Variants in SHC4 observed in about 807,000 individuals in gnomAD.
The protein encoded by SHC4 is SHC adaptor protein 4.
Under a neutral mutation model 69.4 loss-of-function variants are expected in SHC4, and 41 were observed. The observed-to-expected ratio is 0.59, with a 90% CI of 0.46 to 0.77. The LOEUF (loss-of-function observed/expected upper bound fraction) is 0.77, where lower values mean the gene tolerates loss of function less well. Ranked by LOEUF, SHC4 falls within the 30% of genes least tolerant of loss-of-function variation. SHC4 has a pLI of 0.00. For synonymous variants in SHC4, 318 were observed against 299.3 expected (o/e 1.06, Z -0.64); for missense variants, 777 against 783.8 (o/e 0.99, Z 0.10).
chr15:48,905,950 T>A (rs1421056272), intron 2 of SHC4, among the ~76,000 whole-genome samples: 2 of 152,228 alleles, frequency 1.3e-5, no homozygotes, highest in Non-Finnish European at 2.9e-5. Flanking sequence ...AGAAACCACT[T>A]CATAATGTAG....
At position 48,941,280 on chromosome 15, in the gene SHC4, G is replaced by A. The variant is rs1471469844; in HGVS notation, c.586-16331C>T. 2.0e-5 allele frequency among the ~76,000 whole-genome samples: 3 copies of A among 152,182 alleles called. No homozygotes were observed. The East Asian group carries it at 5.8e-4, about 29-fold the overall frequency. ...TTCAGGGCAGTGGAGAGGGTCAATA[G>A]GCTAAGGAACTGGAAAATGTTCATA... On this transcript the variant is annotated intron_variant, in intron 1 of 11. Transcript: ENST00000332408.
intron 4 of SHC4, chr15:48,878,176 A>C: frequency 6.5e-7 from 1 of 1,549,498 alleles, no homozygotes; most frequent in Non-Finnish European, 8.7e-7. Context: ...CGGTTTGCAC[A>C]ATGTCGGAAA....
At chr15:48,897,039 C>T (rs1392188975) in intron 2 of SHC4, among the ~76,000 whole-genome samples, 1 of 152,216 alleles carries the variant, frequency 6.6e-6, no homozygotes, top group African/African-American at 2.4e-5. Context: ...GCCATTCTTG[C>T]AGCCCAAGCA....
chr15:48,856,096 C>G lies in SHC4; in HGVS notation c.1099G>C (p.Glu367Gln). Residue 367 changes from glutamate to glutamine, a missense_variant, in exon 8 of 12, where the codon GAG becomes CAG. Glu to Gln is a conservative substitution (Grantham distance 29). Coordinates refer to ENST00000332408, the MANE Select transcript of SHC4 (RefSeq NM_203349.4). ...SEEVHIDSHAEEREDHEYYNE... is the reference protein window; with the variant it reads ...SEEVHIDSHAQEREDHEYYNE... ...TAATATTCATGATCTTCTCTCTCCT[C>G]GGCATGGCTATCAATATGCACCTCC... 6.2e-7 allele frequency: 1 copy of G among 1,613,410 alleles called. No individual in the cohort carries two copies. The highest frequency in any genetic ancestry group is 8.5e-7 in the Non-Finnish European group (1 of 1,179,616).
intron 1 of SHC4, among the ~76,000 whole-genome samples, chr15:48,960,264 G>T (rs927512682): frequency 6.6e-6 from 1 of 152,196 alleles, no homozygotes; most frequent in Non-Finnish European, 1.5e-5. Context: ...TTGTACAGGT[G>T]TGTGGGTATG....
chr15:48,872,716 C>T (rs1244567925), intron 4 of SHC4, among the ~76,000 whole-genome samples: 1 of 152,180 alleles, frequency 6.6e-6, no homozygotes, highest in African/African-American at 2.4e-5. Context: ...TCATTCACTA[C>T]TAAATGTATC....
intron 1 of SHC4, among the ~76,000 whole-genome samples, chr15:48,931,618 C>G (rs988389118): frequency 2.6e-5 from 4 of 152,040 alleles, no homozygotes; most frequent in Non-Finnish European, 4.4e-5. Context: ...GCACACTACC[C>G]CCAGCATTTA....
intron 1 of SHC4, among the ~76,000 whole-genome samples, chr15:48,954,995 G>A (rs1901420775): frequency 2.6e-5 from 4 of 152,158 alleles, no homozygotes; most frequent in Admixed American, 1.3e-4. Flanking sequence ...TTCATGAAAT[G>A]GGAACAGCCT....
chr15:48,850,519 A>G (rs1191071054), intron 9 of SHC4, among the ~76,000 whole-genome samples: 1 of 152,208 alleles, frequency 6.6e-6, no homozygotes, highest in African/African-American at 2.4e-5. Context: ...CAGTTCAGTC[A>G]TCTCCCCCTC....
chr15:48,915,865 T>C (rs1900610869), intron 2 of SHC4, among the ~76,000 whole-genome samples: 1 of 152,210 alleles, frequency 6.6e-6, no homozygotes, highest in Non-Finnish European at 1.5e-5. Context: ...GTAAATTTTT[T>C]CACTGGGGAA....
intron 2 of SHC4, among the ~76,000 whole-genome samples, chr15:48,903,567 C>G (rs1335715345): frequency 6.6e-6 from 1 of 152,150 alleles, no homozygotes; most frequent in African/African-American, 2.4e-5. Context: ...TAAGGAGCCT[C>G]CATGTAATCT....
At chr15:48,900,365 G>A (rs1025859943) in intron 2 of SHC4, among the ~76,000 whole-genome samples, 1 of 152,054 alleles carries the variant, frequency 6.6e-6, no homozygotes, top group Admixed American at 6.6e-5. Flanking sequence ...AAAGTAGCCG[G>A]AAGTGGTGGT....
At position 48,927,891 on chromosome 15, in the gene SHC4, G is replaced by A. The variant is rs747682146; in HGVS notation, c.586-2942C>T. On this transcript the variant is annotated intron_variant, in intron 1 of 11. Transcript: ENST00000332408. The stretch of plus-strand genomic sequence containing the variant: ...TATTGGTTTACTTGTTAATTTGCTT[G>A]TCTAGTACCTCTTTCTATTCCCTTG... Among the ~76,000 whole-genome samples, 106 of 152,140 alleles carry A rather than the reference G, an allele frequency of 7.0e-4. 1 individual carries two copies. Among genetic ancestry groups the A allele is most frequent in the Non-Finnish European group, 2.9e-5 (2 of 68,030 alleles).
intron 4 of SHC4, among the ~76,000 whole-genome samples, chr15:48,875,575 C>G (rs529883668): frequency 6.6e-6 from 1 of 152,304 alleles, no homozygotes; most frequent in Non-Finnish European, 1.5e-5. Flanking sequence ...TAGAAAGGAA[C>G]AATGCTTTTT....
At chr15:48,920,924 TGAA>T (rs1900740459) in intron 2 of SHC4, among the ~76,000 whole-genome samples, 1 of 149,456 alleles carries the variant, frequency 6.7e-6, no homozygotes, top group Admixed American at 6.6e-5. Context: ...TCTCTATATA[TGAA>T]GAAGAAGAAG....
At chr15:48,860,663 C>T (rs1595735382) in intron 6 of SHC4, among the ~76,000 whole-genome samples, 1 of 152,136 alleles carries the variant, frequency 6.6e-6, no homozygotes. Flanking sequence ...AAGCAGGATA[C>T]TTAAGCCTAA....
intron 2 of SHC4, among the ~76,000 whole-genome samples, chr15:48,914,291 G>A (rs1900574614): frequency 6.6e-6 from 1 of 152,238 alleles, no homozygotes; most frequent in Non-Finnish European, 1.5e-5. Context: ...AAGTGTGGTA[G>A]GGATTTGGAG....
intron 1 of SHC4, among the ~76,000 whole-genome samples, chr15:48,928,815 C>T (rs545626134): frequency 6.6e-6 from 1 of 152,048 alleles, no homozygotes; most frequent in Non-Finnish European, 1.5e-5. Context: ...ATGGCAGTGA[C>T]TGTGATCTTT....
intron 6 of SHC4, among the ~76,000 whole-genome samples, chr15:48,864,923 C>T (rs373722145): frequency 6.6e-5 from 10 of 152,140 alleles, no homozygotes; most frequent in African/African-American, 2.4e-4. Context: ...AGCTGTGGGA[C>T]CCCTACTTCC....
Sources: allele counts gnomAD v4.1 joint callset (sites outside exome capture counted in the v4.1 genomes callset), GRCh38; gene constraint gnomAD v4.1.1; transcripts MANE v1.5; gene names NCBI Gene and HGNC (gene_info 2026-07-23, HGNC 2026-07-21).